The following CAST variants were observed in gnomAD, a reference collection of about 807,000 sequenced individuals.
CAST encodes the protein calpastatin.
In CAST, 76 loss-of-function variants were observed where a neutral mutation model predicts 119.6. The observed-to-expected ratio is 0.64, with a 90% confidence interval of 0.53 to 0.77. The LOEUF (loss-of-function observed/expected upper bound fraction) is 0.77, where lower values mean the gene tolerates loss of function less well. Among genes scored for constraint, CAST ranks in the 30% least tolerant of loss-of-function variants. CAST has a pLI of 0.00. For missense variants in CAST, 953 were observed against 946.5 expected, an observed-to-expected ratio of 1.01 and a Z score of -0.09; for synonymous variants, 319 against 331.6, an observed-to-expected ratio of 0.96 and a Z score of 0.41.
At chr5:96,212,525 A>G in the CAST span, among the ~76,000 whole-genome samples, 1 of 152,258 alleles carries the variant, frequency 6.6e-6, no homozygotes, top group Non-Finnish European at 1.5e-5. Flanking sequence ...TATAGGTTCC[A>G]TGGGCTCTTG....
At chr5:96,520,248 C>A in the CAST span, among the ~76,000 whole-genome samples, 1 of 152,196 alleles carries the variant, frequency 6.6e-6, no homozygotes, top group Non-Finnish European at 1.5e-5. Flanking sequence ...CATTCTGTTT[C>A]CCAACACTGA....
At chr5:96,069,473 T>C in the CAST span, among the ~76,000 whole-genome samples, 2 of 151,266 alleles carry the variant, frequency 1.3e-5, no homozygotes. Context: ...TATCTATCCA[T>C]CTATCTTTTT....
At chr5:96,312,912 A>C in the CAST span, among the ~76,000 whole-genome samples, 1 of 152,112 alleles carries the variant, frequency 6.6e-6, no homozygotes, top group African/African-American at 2.4e-5. Context: ...AAGATGGTAC[A>C]TAACTAGGAC....
At chr5:96,276,385 T>C in the CAST span, among the ~76,000 whole-genome samples, 2 of 152,246 alleles carry the variant, frequency 1.3e-5, no homozygotes, top group African/African-American at 4.8e-5. Flanking sequence ...TAAACTTTTT[T>C]AAAGCTCTTA....
the CAST span, among the ~76,000 whole-genome samples, chr5:96,041,103 C>T: frequency 2.0e-5 from 3 of 151,914 alleles, no homozygotes; most frequent in Middle Eastern, 3.4e-3. Flanking sequence ...TCTTGGGAGG[C>T]ATAAATACCC....
chr5:96,700,790 T>A (rs1753780164), intron 3 of CAST, among the ~76,000 whole-genome samples: 1 of 152,098 alleles, frequency 6.6e-6, no homozygotes, highest in Non-Finnish European at 1.5e-5. Context: ...TGCAGATGAT[T>A]TGAGAACCAC....
At chr5:96,436,789 AC>A in the CAST span, among the ~76,000 whole-genome samples, 2 of 152,204 alleles carry the variant, frequency 1.3e-5, no homozygotes, top group Non-Finnish European at 1.5e-5. Context: ...TCTAGTATAC[AC>A]AAAGACTGAT....
the CAST span, among the ~76,000 whole-genome samples, chr5:96,326,639 G>A: frequency 6.0e-5 from 9 of 151,030 alleles, no homozygotes; most frequent in East Asian, 1.7e-3. Context: ...TTTGTTTGCA[G>A]GCCTGTATTT....
chr5:96,513,058 C>T, the CAST span, among the ~76,000 whole-genome samples: 1 of 152,182 alleles, frequency 6.6e-6, no homozygotes, highest in Admixed American at 6.5e-5. Flanking sequence ...AGAAAATCTG[C>T]TTATCACTCA....
chr5:96,684,835 G>A (rs1466459901), intron 2 of CAST, among the ~76,000 whole-genome samples: 1 of 152,110 alleles, frequency 6.6e-6, no homozygotes, highest in East Asian at 1.9e-4. Context: ...CTCCCAAAGT[G>A]CTGGGATTAC....
At chr5:96,051,863 A>C in the CAST span, among the ~76,000 whole-genome samples, 1 of 152,244 alleles carries the variant, frequency 6.6e-6, no homozygotes, top group Non-Finnish European at 1.5e-5. Context: ...GTACAGATAC[A>C]TACAACAACC....
chr5:96,483,814 C>A, the CAST span, among the ~76,000 whole-genome samples: 1 of 152,084 alleles, frequency 6.6e-6, no homozygotes, highest in Non-Finnish European at 1.5e-5. Flanking sequence ...GACAACCCTT[C>A]AAAAATAAGA....
chr5:96,345,606 G>C, the CAST span, among the ~76,000 whole-genome samples: 2 of 152,074 alleles, frequency 1.3e-5, no homozygotes, highest in Non-Finnish European at 2.9e-5. Context: ...TCCTTAGCTG[G>C]GTATCACTGG....
At chr5:96,210,286 A>G in the CAST span, 1 of 152,010 alleles carries the variant, frequency 6.6e-6, no homozygotes, top group Non-Finnish European at 1.5e-5. Context: ...ATTTTTTTCT[A>G]ACACAGAATG....
intron 1 of CAST, among the ~76,000 whole-genome samples, chr5:96,583,688 T>C (rs557168291): frequency 6.6e-5 from 10 of 152,192 alleles, no homozygotes; most frequent in Non-Finnish European, 1.3e-4. Flanking sequence ...CCACATTTAC[T>C]ATGAGAACTG....
intron 8 of CAST, among the ~76,000 whole-genome samples, 183 bp from the exon 9 acceptor site, chr5:96,730,597 T>C (rs1760252756): frequency 6.6e-6 from 1 of 152,208 alleles, no homozygotes; most frequent in South Asian, 2.1e-4. Context: ...CGTTTTAGGC[T>C]CTTGAGTCCA....
chr5:96,517,325 C>G, the CAST span, among the ~76,000 whole-genome samples: 1 of 152,076 alleles, frequency 6.6e-6, no homozygotes, highest in East Asian at 1.9e-4. Flanking sequence ...CATCTCTTTC[C>G]TTTTTATGCT....
At position 96,606,586 on chromosome 5, in the gene CAST, C is replaced by T. The variant is rs114667859; in HGVS notation, c.61-68953C>T. On this transcript the variant is annotated intron_variant, in intron 1 of 11. Transcript: ENST00000505143. ...CTTCAGCCTTATAAATATCTGTTTC[C>T]TGGTTCTCGTATTCTTCTTGAAAGC... 8.0e-3 allele frequency among the ~76,000 whole-genome samples: 1,212 copies of T among 152,348 alleles called. 30 individuals are homozygous for T. The highest frequency in any genetic ancestry group is 0.028 in the African/African-American group (1,179 of 41,574).
At chr5:96,131,069 A>C in the CAST span, among the ~76,000 whole-genome samples, 1 of 152,140 alleles carries the variant, frequency 6.6e-6, no homozygotes, top group Non-Finnish European at 1.5e-5. Context: ...ATACATATGC[A>C]TTGTTACATT....
Sources: gnomAD v4.1 joint callset for allele counts (sites outside exome capture counted in the v4.1 genomes callset) on GRCh38, gnomAD v4.1.1 for gene constraint, MANE v1.5 for transcripts, NCBI Gene and HGNC (gene_info 2026-07-23, HGNC 2026-07-21) for gene names.